MEF2C: variants seen among roughly 807,000 people sequenced by gnomAD.
MEF2C encodes the protein myocyte-specific enhancer factor 2C.
MEF2C carries 6 observed loss-of-function variants against 50.5 expected under a neutral mutation model. That is an observed-to-expected ratio of 0.12 (90% CI 0.07 to 0.23). The LOEUF is 0.23. MEF2C is among the 10% of genes least tolerant of loss of function. MEF2C has a pLI of 1.00. For missense variants in MEF2C, 276 were observed against 605.0 expected (o/e 0.46, Z 5.70); for synonymous variants, 183 against 228.0 (o/e 0.80, Z 1.78).
intron 3 of MEF2C, among the ~76,000 whole-genome samples, chr5:88,767,509 T>C (rs1403957826): frequency 6.6e-6 from 1 of 152,222 alleles, no homozygotes; most frequent in Non-Finnish European, 1.5e-5. Context: ...AGTTAGATTT[T>C]AACAAAAATT....
intron 1 of MEF2C, among the ~76,000 whole-genome samples, chr5:88,853,880 C>A (rs1179122403): frequency 6.6e-6 from 1 of 152,176 alleles, no homozygotes; most frequent in East Asian, 1.9e-4. Flanking sequence ...TGTACTATGT[C>A]TCCTAATAAA....
chr5:88,861,706 C>G (rs1825594167), intron 1 of MEF2C, among the ~76,000 whole-genome samples: 2 of 152,126 alleles, frequency 1.3e-5, no homozygotes, highest in Admixed American at 1.3e-4. Flanking sequence ...TCATTTTTAT[C>G]TGGATCATAT....
intron 1 of MEF2C, chr5:88,838,813 G>T (rs1404524515): frequency 1.5e-5 from 13 of 876,842 alleles, no homozygotes; most frequent in South Asian, 5.2e-5. Context: ...TATTTACAGG[G>T]AAGTTTCCAC....
In MEF2C at chr5:88,731,722, G is replaced by T; in HGVS notation, c.810+7C>A. 1.9e-6 allele frequency: 3 copies of T among 1,610,860 alleles called. No individual in the cohort carries two copies. The highest frequency in any genetic ancestry group is 2.5e-6 in the Non-Finnish European group (3 of 1,177,414). On this transcript the variant is annotated splice_region_variant and intron_variant, in intron 7 of 10. Coordinates refer to ENST00000504921, the MANE Select transcript of MEF2C (RefSeq NM_002397.5). ...CAATATTTATTTAAAATGTAGTTTT[G>T]TATTACCACTGATGGCATCGTATTC...
At chr5:88,786,703 A>G (rs1401780056) in intron 3 of MEF2C, among the ~76,000 whole-genome samples, 2 of 152,240 alleles carry the variant, frequency 1.3e-5, no homozygotes, top group Non-Finnish European at 1.5e-5. Context: ...ATATGTGTGT[A>G]TATATATACA....
intron 6 of MEF2C, chr5:88,738,242 T>C (rs1190282261): frequency 1.0e-6 from 1 of 985,080 alleles, no homozygotes; most frequent in Non-Finnish European, 1.2e-6. Context: ...CAGGTACTCA[T>C]CTGAGGCAGT....
At chr5:88,888,218 G>A (rs898979982) in intron 1 of MEF2C, 1 of 152,210 alleles carries the variant, frequency 6.6e-6, no homozygotes, top group Non-Finnish European at 1.5e-5. Context: ...AAATGCTCCT[G>A]TGTTCTGATT....
chr5:88,840,222 T>C (rs1816823767), intron 1 of MEF2C, among the ~76,000 whole-genome samples: 1 of 152,218 alleles, frequency 6.6e-6, no homozygotes, highest in Non-Finnish European at 1.5e-5. Flanking sequence ...AGGAAATTCT[T>C]ACTTATAGCT....
chr5:88,726,564 G>T (rs1377121312), intron 10 of MEF2C, among the ~76,000 whole-genome samples: 1 of 152,122 alleles, frequency 6.6e-6, no homozygotes, highest in East Asian at 1.9e-4. Flanking sequence ...GACTGGAAGG[G>T]TCATTCCATT....
chr5:88,863,376 T>A (rs1038316000), intron 1 of MEF2C, among the ~76,000 whole-genome samples: 13 of 152,234 alleles, frequency 8.5e-5, no homozygotes, highest in Admixed American at 3.3e-4. Flanking sequence ...TTTATACAGT[T>A]GACGTCCAAG....
At chr5:88,731,542 C>G (rs967094382) in intron 7 of MEF2C, 187 bp downstream of exon 7, 2 of 548,942 alleles carry the variant, frequency 3.6e-6, no homozygotes, top group South Asian at 2.2e-5. Context: ...TTTTTTTACA[C>G]GGAAAAGGGA....
intron 10 of MEF2C, among the ~76,000 whole-genome samples, chr5:88,725,217 C>T (rs748686087): frequency 2.6e-5 from 4 of 152,064 alleles, no homozygotes; most frequent in Non-Finnish European, 5.9e-5. Context: ...GTTATCCCTT[C>T]CTACAAACAG....
chr5:88,739,314 C>A, intron 6 of MEF2C: 10 of 984,172 alleles, frequency 1.0e-5, no homozygotes, highest in Non-Finnish European at 1.2e-5. Context: ...GCTGCTTTTA[C>A]TTCAACAAAA....
At chr5:88,764,504 G>A (rs627464) in intron 3 of MEF2C, among the ~76,000 whole-genome samples, 110,657 of 151,684 alleles carry the variant, frequency 0.73, 41,013 homozygotes, top group East Asian at 0.92. Flanking sequence ...GACACTGGAC[G>A]CTGAAATAAA....
rs1398834873 is a variant in MEF2C at position 88,734,046 on chromosome 5, G to GA, written c.638-2146dup. On this transcript the variant is annotated intron_variant, in intron 6 of 10. Coordinates refer to ENST00000504921, the MANE Select transcript of MEF2C (RefSeq NM_002397.5). ...CACTAGAAGAAAAAAACAAACAAAA[G>GA]AGAGTATGTTCACTTAAAAAAAAAA... The GA allele has an allele frequency of 5.1e-6, 5 of 984,156 alleles. No individual in the cohort carries two copies. In the African/African-American group the frequency reaches 8.8e-5, roughly 17 times the overall value. The allele number at this position is 984,156 out of a possible 1,614,324, so 61.0% of individuals were successfully genotyped here.
At chr5:88,878,298 T>C (rs889135944) in intron 1 of MEF2C, among the ~76,000 whole-genome samples, 1 of 152,030 alleles carries the variant, frequency 6.6e-6, no homozygotes, top group Admixed American at 6.6e-5. Context: ...AAGAGGCCCA[T>C]GAATGTTACA....
At chr5:88,879,199 G>A (rs1332945065) in intron 1 of MEF2C, among the ~76,000 whole-genome samples, 1 of 151,756 alleles carries the variant, frequency 6.6e-6, no homozygotes, top group Non-Finnish European at 1.5e-5. Flanking sequence ...GGCATCAGTT[G>A]GGTAAAAAAG....
At chr5:88,858,306 T>C (rs1178718562) in intron 1 of MEF2C, among the ~76,000 whole-genome samples, 3 of 152,212 alleles carry the variant, frequency 2.0e-5, no homozygotes, top group Admixed American at 6.5e-5. Context: ...TGTGTAATAT[T>C]CACCTACAAT....
At chr5:88,846,144 T>TA (rs1819261728) in intron 1 of MEF2C, among the ~76,000 whole-genome samples, 1 of 151,220 alleles carries the variant, frequency 6.6e-6, no homozygotes, top group Non-Finnish European at 1.5e-5. Flanking sequence ...CTCAGCCCAC[T>TA]GCAACCTCCA....
Sources: allele counts gnomAD v4.1 joint callset (sites outside exome capture counted in the v4.1 genomes callset), GRCh38; gene constraint gnomAD v4.1.1; transcripts MANE v1.5; gene names NCBI Gene and HGNC (gene_info 2026-07-23, HGNC 2026-07-21).